The following DIP2C variants were observed in gnomAD, a reference collection of about 807,000 sequenced individuals.
DIP2C encodes disco-interacting protein 2 homolog C.
Under a neutral mutation model 192.4 loss-of-function variants are expected in DIP2C, and 33 were observed. That is an observed-to-expected ratio of 0.17 (90% CI 0.13 to 0.23). DIP2C has a LOEUF of 0.23. Ranked by LOEUF, DIP2C falls within the 10% of genes least tolerant of loss-of-function variation. The pLI is 1.00. For synonymous variants in DIP2C, 979 were observed against 864.1 expected (o/e 1.13, Z -2.33); for missense variants, 1,537 against 2,110.1 (o/e 0.73, Z 5.32).
intron 1 of DIP2C, among the ~76,000 whole-genome samples, chr10:550,729 T>C (rs571396786): frequency 1.3e-5 from 2 of 152,268 alleles, no homozygotes; most frequent in East Asian, 3.9e-4. Flanking sequence ...CCCCCTACGA[T>C]TTTGTGAAAC....
intron 1 of DIP2C, among the ~76,000 whole-genome samples, chr10:560,852 TAGAC>T (rs1159596587): frequency 3.3e-5 from 5 of 152,268 alleles, no homozygotes; most frequent in African/African-American, 7.2e-5. Flanking sequence ...CTTCTGGAAT[TAGAC>T]AGAACTTAGA....
At chr10:548,378 G>T (rs921306734) in intron 1 of DIP2C, among the ~76,000 whole-genome samples, 1 of 151,088 alleles carries the variant, frequency 6.6e-6, no homozygotes, top group Admixed American at 6.6e-5. Context: ...AGCAGAAGAC[G>T]GGAAAAGAGC....
At chr10:604,570 G>A (rs937511506) in intron 1 of DIP2C, among the ~76,000 whole-genome samples, 1 of 152,372 alleles carries the variant, frequency 6.6e-6, no homozygotes, top group South Asian at 2.1e-4. Context: ...CACGCACCCT[G>A]GGCCCAAGTT....
At chr10:365,134 T>C in intron 19 of DIP2C, 1 of 423,224 alleles carries the variant, frequency 2.4e-6, no homozygotes, top group South Asian at 1.8e-5. Flanking sequence ...TTTATTTAGA[T>C]TTGTATCCAG....
intron 1 of DIP2C, among the ~76,000 whole-genome samples, chr10:506,446 C>T (rs1845599513): frequency 6.6e-6 from 1 of 152,154 alleles, no homozygotes; most frequent in Non-Finnish European, 1.5e-5. Flanking sequence ...CTGAGGCTTT[C>T]AACTGTCCAT....
chr10:670,055 GA>G (rs1194316790), intron 1 of DIP2C, among the ~76,000 whole-genome samples: 1 of 152,212 alleles, frequency 6.6e-6, no homozygotes, highest in Non-Finnish European at 1.5e-5. Flanking sequence ...CAGCCTGTAT[GA>G]AAGGAAAAGG....
Position 286,257 on chromosome 10 carries a change from A to G in DIP2C, c.4119+16T>C. ...AACAGAAAAGTAACCTGGATCTCGG[A>G]GGACACTCAACTCACCTCTCCAAGG... On this transcript the variant is annotated intron_variant, in intron 34 of 36. Transcript: ENST00000280886. 1 of 1,613,516 alleles carries G rather than the reference A, an allele frequency of 6.2e-7. No individual in the cohort carries two copies. The highest frequency in any genetic ancestry group is 2.2e-5 in the East Asian group (1 of 44,878).
intron 33 of DIP2C, 99 bp downstream of exon 33, chr10:288,265 G>GA: frequency 2.5e-6 from 3 of 1,210,868 alleles, no homozygotes; most frequent in Middle Eastern, 2.0e-4. Flanking sequence ...AATTGTTTTG[G>GA]AAAAAACATT....
Position 544,461 on chromosome 10 carries a change from T to G in DIP2C, c.86-57931A>C, listed in dbSNP as rs528621961. On this transcript the variant is annotated intron_variant, in intron 1 of 36. Transcript: ENST00000280886. ...CTTGGGCATATGCCTGGGAGTGAAA[T>G]TGCTGGGTCGTACAGTGATTTTATG... is the stretch of plus-strand genomic sequence containing the variant. Among the ~76,000 whole-genome samples, 14 of 152,334 alleles carry G rather than the reference T, an allele frequency of 9.2e-5. No homozygotes were observed. The East Asian group carries it at 1.2e-3, about 13-fold the overall frequency.
At chr10:551,820 G>T (rs1342143130) in intron 1 of DIP2C, among the ~76,000 whole-genome samples, 1 of 152,198 alleles carries the variant, frequency 6.6e-6, no homozygotes, top group Non-Finnish European at 1.5e-5. Context: ...TCAACCTCGG[G>T]CCACTGCACC....
At chr10:289,757 G>A (rs1955384008) in intron 32 of DIP2C, among the ~76,000 whole-genome samples, 1 of 152,192 alleles carries the variant, frequency 6.6e-6, no homozygotes, top group Admixed American at 6.5e-5. Flanking sequence ...GTGGCACGAG[G>A]GAGGCCACGG....
At chr10:349,584 G>T in intron 24 of DIP2C, 130 bp from the exon 25 acceptor site, 1 of 1,266,034 alleles carries the variant, frequency 7.9e-7, no homozygotes, top group Non-Finnish European at 1.1e-6. Flanking sequence ...GCACAGACCT[G>T]TGCAACCAAC....
At chr10:454,061 G>A (rs774985822) in intron 3 of DIP2C, among the ~76,000 whole-genome samples, 6 of 152,252 alleles carry the variant, frequency 3.9e-5, no homozygotes, top group Non-Finnish European at 7.3e-5. Context: ...AATAAAGGGT[G>A]AATTTGGAGC....
At chr10:525,031 C>A (rs1486095146) in intron 1 of DIP2C, among the ~76,000 whole-genome samples, 1 of 144,754 alleles carries the variant, frequency 6.9e-6, no homozygotes, top group Non-Finnish European at 1.5e-5. Context: ...CCAGGATATT[C>A]TGAAGGGTTC....
At chr10:343,814 C>T (rs1009566162) in intron 28 of DIP2C, among the ~76,000 whole-genome samples, 6 of 152,190 alleles carry the variant, frequency 3.9e-5, no homozygotes, top group Admixed American at 1.3e-4. Context: ...ATACTAAATA[C>T]CGAGAGCTTG....
intron 1 of DIP2C, among the ~76,000 whole-genome samples, chr10:511,753 TAG>T (rs1374777993): frequency 6.6e-6 from 1 of 152,136 alleles, no homozygotes; most frequent in South Asian, 2.1e-4. Flanking sequence ...GAACAGGAGC[TAG>T]AGAGAGACAC....
At chr10:616,343 C>T (rs556817796) in intron 1 of DIP2C, among the ~76,000 whole-genome samples, 2 of 152,316 alleles carry the variant, frequency 1.3e-5, no homozygotes, top group Non-Finnish European at 2.9e-5. Flanking sequence ...CCATAGGACC[C>T]ATTTTGTAAA....
chr10:416,086 G>A (rs746715174), intron 6 of DIP2C, among the ~76,000 whole-genome samples, 198 bp from the exon 7 acceptor site: 3 of 151,592 alleles, frequency 2.0e-5, no homozygotes, highest in Admixed American at 6.6e-5. Context: ...GAGATACATC[G>A]GACCCGAATG....
intron 2 of DIP2C, among the ~76,000 whole-genome samples, chr10:479,871 G>A (rs769324150): frequency 6.6e-6 from 1 of 151,550 alleles, no homozygotes; most frequent in African/African-American, 2.4e-5. Context: ...CCTGAGAGCC[G>A]GTTCACGCTC....
Sources: gnomAD v4.1 joint callset for allele counts (sites outside exome capture counted in the v4.1 genomes callset) on GRCh38, gnomAD v4.1.1 for gene constraint, MANE v1.5 for transcripts, NCBI Gene and HGNC (gene_info 2026-07-23, HGNC 2026-07-21) for gene names.